The following TBCD variants were observed in gnomAD, a reference collection of about 807,000 sequenced individuals.
TBCD encodes tubulin folding cofactor D, also known as tubulin-specific chaperone D.
Under a neutral mutation model 169.3 loss-of-function variants are expected in TBCD, and 105 were observed. The observed-to-expected ratio is 0.62, with a 90% CI of 0.53 to 0.73. The LOEUF is 0.73. TBCD is among the 30% of genes least tolerant of loss of function. The pLI is 0.00. For synonymous variants in TBCD, 700 were observed against 643.9 expected (o/e 1.09, Z -1.32); for missense variants, 1,444 against 1,600.1 (o/e 0.90, Z 1.66).
chr17:82,926,901 A>G, intron 28 of TBCD: 1 of 524,978 alleles, frequency 1.9e-6, no homozygotes, highest in Admixed American at 3.4e-5. Context: ...CTTCTCTCCT[A>G]TGCCAGCATC....
In TBCD at chr17:82,915,112, C is replaced by T. The variant is rs1187757119; in HGVS notation, c.2038+3323C>T. On this transcript the variant is annotated intron_variant, in intron 23 of 38. Transcript: ENST00000355528. This position sits in a 1 kb window ranked among gnomAD's most constrained non-coding sequence, Gnocchi z 4.3. ...AGCTCTTGTCGGGGTGAGAAATCTG[C>T]GGGTTCACGGGCTACATGTGGGAGA... Among the ~76,000 whole-genome samples the T allele has an allele frequency of 5.3e-5, 8 of 152,142 alleles. No individual in the cohort carries two copies. The East Asian group carries it at 1.2e-3, about 22-fold the overall frequency.
intron 2 of TBCD, among the ~76,000 whole-genome samples, chr17:82,757,272 T>C (rs2143807810): frequency 6.6e-6 from 1 of 152,320 alleles, no homozygotes; most frequent in East Asian, 1.9e-4. Context: ...TGCGCACACG[T>C]GCCTCTTAAA....
intron 20 of TBCD, 94 bp downstream of exon 20, chr17:82,906,147 C>T: frequency 2.0e-6 from 2 of 986,270 alleles, no homozygotes; most frequent in Non-Finnish European, 3.0e-6. Flanking sequence ...CTCTCTCATC[C>T]CTTCTCATTT....
intron 13 of TBCD, among the ~76,000 whole-genome samples, chr17:82,847,158 T>C (rs1399327512): frequency 6.6e-6 from 1 of 151,966 alleles, no homozygotes; most frequent in Non-Finnish European, 1.5e-5. Flanking sequence ...GAGACCATCT[T>C]GTCTAACACA....
intron 13 of TBCD, among the ~76,000 whole-genome samples, chr17:82,825,005 G>A (rs1162410956): frequency 6.6e-6 from 1 of 152,132 alleles, no homozygotes; most frequent in East Asian, 1.9e-4. Flanking sequence ...GACACAAAGG[G>A]CTTATCCTGG....
chr17:82,927,806 C>T (rs907068497), intron 29 of TBCD, 99 bp from the exon 30 acceptor site: 53 of 1,019,830 alleles, frequency 5.2e-5, no homozygotes, highest in Admixed American at 1.9e-4. Context: ...GGGTTAGTCA[C>T]GGGTGTCGAA....
At position 82,832,127 on chromosome 17, in the gene TBCD, C is replaced by T. The variant is rs1206736142; in HGVS notation, c.1318+17193C>T. ...TGCAGCTCCAGGTTTTCCTTGATGT[C>T]TTCCCTGGCAGAGCTGTGCTGAAGC... On this transcript the variant is annotated intron_variant, in intron 13 of 38. Transcript: ENST00000355528. The surrounding 1 kb of genome is among the most constrained non-coding windows in gnomAD (Gnocchi z 4.9). 2.5e-6 allele frequency: 4 copies of T among 1,614,094 alleles called. No individual in the cohort carries two copies. The highest frequency in any genetic ancestry group is 3.4e-6 in the Non-Finnish European group (4 of 1,180,042).
At chr17:82,801,134 GT>G in intron 9 of TBCD, 138 bp downstream of exon 9, 1 of 820,578 alleles carries the variant, frequency 1.2e-6, no homozygotes, top group Non-Finnish European at 1.8e-6. Context: ...CTGTTGCGGG[GT>G]GGGGGAGGCA....
At chr17:82,838,585 T>C in intron 13 of TBCD, 2 of 921,370 alleles carry the variant, frequency 2.2e-6, no homozygotes, top group African/African-American at 1.8e-5. Context: ...GACACACCAT[T>C]GTCGCCTACC....
At position 82,835,417 on chromosome 17, in the gene TBCD, A is replaced by ATTTC. The variant is rs145370898; in HGVS notation, c.1318+20499_1318+20502dup. Among the ~76,000 whole-genome samples the ATTTC allele has an allele frequency of 6.6e-6, 1 of 151,764 alleles. No homozygotes were observed. The highest frequency in any genetic ancestry group is 1.9e-4 in the East Asian group (1 of 5,154). Reference sequence around the variant, plus strand: ...CTGGTTTCTCTACTGATTTATTCATATTTCTTTCTTTCTTTCTTTTTTGAG... The same window carrying ATTTC: ...CTGGTTTCTCTACTGATTTATTCATATTTCTTTCTTTCTTTCTTTCTTTTTTGAG... On this transcript the variant is annotated intron_variant, in intron 13 of 38. Coordinates refer to ENST00000355528, the MANE Select transcript of TBCD (RefSeq NM_005993.5). This position sits in a 1 kb window ranked among gnomAD's most constrained non-coding sequence, Gnocchi z 4.5.
chr17:82,920,038 GTC>G lies in TBCD; in HGVS notation c.2039-514_2039-513del, dbSNP rs999086528. ...TGGGAGCTGCTGATGCTGTCCAGTC[GTC>G]TCTGTCTCGTGCGTCCTGGCCCCCT... On this transcript the variant is annotated intron_variant, in intron 23 of 38. Transcript: ENST00000355528. The surrounding 1 kb of genome is among the most constrained non-coding windows in gnomAD (Gnocchi z 4.1). Among the ~76,000 whole-genome samples the G allele has an allele frequency of 3.3e-5, 5 of 152,230 alleles. No homozygotes were observed. The highest frequency in any genetic ancestry group is 1.2e-4 in the African/African-American group (5 of 41,466).
rs138937950 is a variant in TBCD at position 82,863,176 on chromosome 17, G to A, written c.1319-7048G>A. The stretch of plus-strand genomic sequence containing the variant: ...TCCATGTGCTGGCCCCACCGTCCTC[G>A]TGGTGCCTGTGTCTGTCCAGGCTTA... On this transcript the variant is annotated intron_variant, in intron 13 of 38. Coordinates refer to ENST00000355528, the MANE Select transcript of TBCD (RefSeq NM_005993.5). 4.7e-4 allele frequency among the ~76,000 whole-genome samples: 72 copies of A among 152,324 alleles called. 1 individual carries two copies. In the East Asian group the frequency reaches 0.013, roughly 27 times the overall value.
At chr17:82,773,532 G>T (rs943358246) in intron 6 of TBCD, among the ~76,000 whole-genome samples, 2 of 152,158 alleles carry the variant, frequency 1.3e-5, no homozygotes, top group African/African-American at 4.8e-5. Flanking sequence ...TCCCATGGGG[G>T]TGTGATGGCC....
intron 8 of TBCD, 141 bp downstream of exon 8, chr17:82,797,943 G>T: frequency 8.6e-6 from 2 of 232,760 alleles, no homozygotes; most frequent in Non-Finnish European, 1.5e-5. Context: ...TTTTTTTGTT[G>T]TGGGTTTTAG....
chr17:82,758,540 G>A (rs1320848874), intron 2 of TBCD, among the ~76,000 whole-genome samples: 1 of 149,488 alleles, frequency 6.7e-6, no homozygotes, highest in African/African-American at 2.5e-5. Flanking sequence ...GTGAGCCAGC[G>A]TGCCCAGCTG....
In TBCD at chr17:82,832,608, G is replaced by A. The variant is rs911582021; in HGVS notation, c.1318+17674G>A. The A allele has an allele frequency of 1.4e-5, 10 of 707,030 alleles. No individual in the cohort carries two copies. The highest frequency in any genetic ancestry group is 9.8e-6 in the Non-Finnish European group (4 of 408,608). The allele number at this position is 707,030 out of a possible 1,614,324, so 43.8% of individuals were successfully genotyped here. On this transcript the variant is annotated intron_variant, in intron 13 of 38. Coordinates refer to ENST00000355528, the MANE Select transcript of TBCD (RefSeq NM_005993.5). This position sits in a 1 kb window ranked among gnomAD's most constrained non-coding sequence, Gnocchi z 4.9. ...CAGCTCTGCGTGCTGAGGGTCTGGC[G>A]AGAGCCTCCGTCATCTGGCGGCTGG...
chr17:82,903,690 C>T lies in TBCD; in HGVS notation c.1804+212C>T, dbSNP rs2060039500. Among the ~76,000 whole-genome samples, 1 of 152,248 alleles carries T rather than the reference C, an allele frequency of 6.6e-6. No individual in the cohort carries two copies. Among genetic ancestry groups the T allele is most frequent in the African/African-American group, 2.4e-5 (1 of 41,466 alleles). On this transcript the variant is annotated intron_variant, in intron 19 of 38. Coordinates refer to ENST00000355528, the MANE Select transcript of TBCD (RefSeq NM_005993.5). The surrounding 1 kb of genome is among the most constrained non-coding windows in gnomAD (Gnocchi z 4.8). ...GCCTGCAGGGCAGGGAGCCGCTGAA[C>T]TGTGTTACGTACACCGGAGCCCGTG...
intron 27 of TBCD, among the ~76,000 whole-genome samples, chr17:82,925,365 T>G (rs1279749647): frequency 6.6e-6 from 1 of 152,224 alleles, no homozygotes; most frequent in Admixed American, 6.5e-5. Flanking sequence ...CAGTTGCCTT[T>G]GTGCGTTGTG....
intron 5 of TBCD, 84 bp from the exon 6 acceptor site, chr17:82,772,368 G>C (rs1030507796): frequency 2.1e-5 from 29 of 1,408,022 alleles, no homozygotes; most frequent in Non-Finnish European, 2.9e-5. Flanking sequence ...GGGAGCTGGT[G>C]AGGGTGGGAC....
Sources: gnomAD v4.1 joint callset for allele counts (sites outside exome capture counted in the v4.1 genomes callset) on GRCh38, gnomAD v4.1.1 for gene constraint, Gnocchi (gnomAD v3.1) non-coding constraint, MANE v1.5 for transcripts, NCBI Gene and HGNC (gene_info 2026-07-23, HGNC 2026-07-21) for gene names.